Variants in STX8 observed in about 807,000 individuals in gnomAD.
STX8 encodes the protein syntaxin-8.
Under a neutral mutation model 37.5 loss-of-function variants are expected in STX8, and 23 were observed. The observed-to-expected ratio is 0.61, with a 90% confidence interval of 0.44 to 0.87. STX8 has a LOEUF of 0.87. Ranked by LOEUF, STX8 falls within the 40% of genes least tolerant of loss-of-function variation. STX8 has a pLI of 0.00. For synonymous variants in STX8, 115 were observed against 99.1 expected (o/e 1.16, Z -0.95); for missense variants, 313 against 284.7 (o/e 1.10, Z -0.71).
At chr17:9,371,044 G>T (rs1487832261) in intron 7 of STX8, among the ~76,000 whole-genome samples, 1 of 152,108 alleles carries the variant, frequency 6.6e-6, no homozygotes, top group African/African-American at 2.4e-5. Flanking sequence ...GTGCTCCTGA[G>T]TGAAAGGTTC....
At chr17:9,311,834 T>C (rs1360836238) in intron 7 of STX8, among the ~76,000 whole-genome samples, 1 of 152,104 alleles carries the variant, frequency 6.6e-6, no homozygotes, top group East Asian at 1.9e-4. Context: ...TAAGTGTTAG[T>C]GTTAAATTCT....
At chr17:9,398,865 A>G (rs1177623116) in intron 6 of STX8, among the ~76,000 whole-genome samples, 1 of 152,138 alleles carries the variant, frequency 6.6e-6, no homozygotes, top group Non-Finnish European at 1.5e-5. Context: ...CCTGGCCTAC[A>G]TTGTGAAATC....
intron 7 of STX8, among the ~76,000 whole-genome samples, chr17:9,375,063 CAA>C (rs58594029): frequency 5.9e-3 from 388 of 65,418 alleles, no homozygotes; most frequent in African/African-American, 0.017. Flanking sequence ...GACTCTGTCT[CAA>C]AAAAAAAAAA....
rs1196020834 is a variant in STX8 at position 9,342,808 on chromosome 17, G to A, written c.643+35744C>T. 3.9e-5 allele frequency among the ~76,000 whole-genome samples: 6 copies of A among 152,070 alleles called. No individual in the cohort carries two copies. The East Asian group carries it at 1.2e-3, about 29-fold the overall frequency. On this transcript the variant is annotated intron_variant, in intron 7 of 7. Transcript: ENST00000306357. Reference sequence around the variant, plus strand: ...GACACTGAGGTGGGCAGAGCATGAGGTCAGGAGTTCAAGACTAGCCTGACC... The same window carrying A: ...GACACTGAGGTGGGCAGAGCATGAGATCAGGAGTTCAAGACTAGCCTGACC...
At chr17:9,324,147 C>CACAA (rs1909676134) in intron 7 of STX8, among the ~76,000 whole-genome samples, 1 of 151,634 alleles carries the variant, frequency 6.6e-6, no homozygotes, top group African/African-American at 2.4e-5. Flanking sequence ...CACACACACA[C>CACAA]ACACACACAA....
chr17:9,514,117 T>C (rs931420555), intron 4 of STX8, among the ~76,000 whole-genome samples: 2 of 152,148 alleles, frequency 1.3e-5, no homozygotes, highest in African/African-American at 2.4e-5. Context: ...TATTCACCAC[T>C]GTAGGATGAC....
intron 4 of STX8, among the ~76,000 whole-genome samples, chr17:9,544,200 GGA>G (rs1906402520): frequency 6.6e-6 from 1 of 152,184 alleles, no homozygotes; most frequent in Non-Finnish European, 1.5e-5. Flanking sequence ...TGGAAGATGA[GGA>G]GAGGCGGGTT....
intron 3 of STX8, among the ~76,000 whole-genome samples, chr17:9,547,994 T>C (rs973274745): frequency 2.6e-5 from 4 of 152,066 alleles, no homozygotes; most frequent in Non-Finnish European, 5.9e-5. Context: ...GATTTCACCA[T>C]GTTGGCCAGG....
At chr17:9,361,799 G>A (rs1911071977) in intron 7 of STX8, among the ~76,000 whole-genome samples, 1 of 152,134 alleles carries the variant, frequency 6.6e-6, no homozygotes, top group Non-Finnish European at 1.5e-5. Context: ...AGAGTGGCAA[G>A]CACCAGAAAG....
chr17:9,343,561 C>T (rs182370335), intron 7 of STX8, among the ~76,000 whole-genome samples: 14 of 152,200 alleles, frequency 9.2e-5, no homozygotes, highest in African/African-American at 3.4e-4. Flanking sequence ...GGTTCCCATG[C>T]ACCTCCCTTT....
chr17:9,483,183 G>A (rs559453433), intron 6 of STX8, among the ~76,000 whole-genome samples: 26 of 151,780 alleles, frequency 1.7e-4, no homozygotes, highest in Middle Eastern at 3.4e-3. Flanking sequence ...AAATTGAGGC[G>A]ACCCCCGCAG....
intron 4 of STX8, among the ~76,000 whole-genome samples, chr17:9,524,499 T>A (rs1259193754): frequency 6.6e-6 from 1 of 152,202 alleles, no homozygotes; most frequent in African/African-American, 2.4e-5. Context: ...AGAGTCCTCA[T>A]GACTTACTTC....
chr17:9,319,880 G>C (rs562331144), intron 7 of STX8, among the ~76,000 whole-genome samples: 1 of 152,056 alleles, frequency 6.6e-6, no homozygotes, highest in South Asian at 2.1e-4. Context: ...GAACCCAGGG[G>C]GCAGAGGTTG....
chr17:9,271,568 G>A (rs953189485), intron 7 of STX8, among the ~76,000 whole-genome samples: 1 of 152,054 alleles, frequency 6.6e-6, no homozygotes, highest in Non-Finnish European at 1.5e-5. Context: ...TGGCCAACAG[G>A]GTGAAACCCC....
intron 4 of STX8, 145 bp from the exon 5 acceptor site, chr17:9,505,307 G>C (rs1420312015): frequency 1.1e-6 from 1 of 912,440 alleles, no homozygotes; most frequent in African/African-American, 1.7e-5. Flanking sequence ...TTTATGCCAG[G>C]AACTGTATTC....
At chr17:9,469,898 A>T (rs1465091268) in intron 6 of STX8, 1 of 152,184 alleles carries the variant, frequency 6.6e-6, no homozygotes, top group East Asian at 1.9e-4. Context: ...GTACAGAAAC[A>T]CCTTGGAGGG....
chr17:9,480,627 A>T (rs1178132534), intron 6 of STX8, among the ~76,000 whole-genome samples: 1 of 152,186 alleles, frequency 6.6e-6, no homozygotes, highest in South Asian at 2.1e-4. Context: ...ATGACCTCAT[A>T]AACTCATTCT....
chr17:9,492,939 CAAAA>C (rs1053987471), intron 5 of STX8, among the ~76,000 whole-genome samples: 1 of 151,196 alleles, frequency 6.6e-6, no homozygotes. Context: ...ACTAAAAATA[CAAAA>C]AAAAATTAGC....
intron 7 of STX8, among the ~76,000 whole-genome samples, chr17:9,277,024 G>A (rs999542694): frequency 1.3e-4 from 19 of 151,188 alleles, no homozygotes; most frequent in African/African-American, 3.7e-4. Flanking sequence ...ATTAACACAC[G>A]ACAACCTTGA....
Sources: allele counts gnomAD v4.1 joint callset (sites outside exome capture counted in the v4.1 genomes callset), GRCh38; gene constraint gnomAD v4.1.1; transcripts MANE v1.5; gene names NCBI Gene and HGNC (gene_info 2026-07-23, HGNC 2026-07-21).